RAI14: variants seen among roughly 807,000 people sequenced by gnomAD.
The protein encoded by RAI14 is retinoic acid induced 14, also known as ankycorbin.
RAI14 carries 45 observed loss-of-function variants against 115.4 expected under a neutral mutation model. The ratio of observed to expected loss-of-function variants is 0.39; its 90% CI spans 0.31 to 0.50. The LOEUF (loss-of-function observed/expected upper bound fraction) is 0.50. Among genes scored for constraint, RAI14 ranks in the 20% least tolerant of loss-of-function variants. The pLI, the probability that RAI14 is intolerant of heterozygous loss-of-function variation, is 0.85. For synonymous variants in RAI14, 371 were observed against 415.4 expected (o/e 0.89, Z 1.30); for missense variants, 939 against 1,131.2 (o/e 0.83, Z 2.44).
chr5:34,803,886 TC>T, intron 5 of RAI14, 110 bp downstream of exon 5: 1 of 924,460 alleles, frequency 1.1e-6, no homozygotes, highest in Non-Finnish European at 1.6e-6. Flanking sequence ...TTAAATACTG[TC>T]CCCAAACCTG....
chr5:34,831,812 C>G lies in RAI14; in HGVS notation c.*1047C>G, dbSNP rs1758034163. The G allele has an allele frequency of 6.6e-6, 1 of 152,108 alleles. No individual in the cohort carries two copies. The highest frequency in any genetic ancestry group is 1.5e-5 in the Non-Finnish European group (1 of 68,014). 9.4% of individuals were successfully genotyped at this position (152,108 alleles called of 1,614,324 possible). ...CTAATATGAGCTGCCACCAACACCC[C>G]TAGAACTTTCAGCCATGGTGTCTTC... On this transcript the variant is annotated 3_prime_UTR_variant, in exon 18 of 18. Transcript: ENST00000265109.
At chr5:34,809,630 G>A (rs1463965641) in intron 7 of RAI14, among the ~76,000 whole-genome samples, 9 of 150,632 alleles carry the variant, frequency 6.0e-5, no homozygotes, top group Non-Finnish European at 1.0e-4. Flanking sequence ...TTTCTAAACT[G>A]GGAAGAAGGT....
chr5:34,762,837 G>A (rs560287286), intron 3 of RAI14, among the ~76,000 whole-genome samples: 6 of 151,814 alleles, frequency 4.0e-5, no homozygotes, highest in African/African-American at 7.3e-5. Flanking sequence ...TTTGTCTTAC[G>A]AACAACCAGA....
At position 34,687,512 on chromosome 5, in the gene RAI14, C is replaced by A. The variant is rs1737995736; in HGVS notation, c.36+557C>A. ...ATAAAAGACTCTGGATTGGAGGAAG[C>A]AGTTATGATGTCAGAGTTATGAAAT... On this transcript the variant is annotated intron_variant, in intron 2 of 17. Transcript: ENST00000265109. The A allele has an allele frequency of 3.7e-6, 5 of 1,343,266 alleles. No individual in the cohort carries two copies. The African/African-American group carries it at 4.5e-5, about 12-fold the overall frequency. 83.2% of individuals were successfully genotyped at this position (1,343,266 alleles called of 1,614,324 possible).
Position 34,720,559 on chromosome 5 carries a change from C to T in RAI14, c.36+33604C>T, listed in dbSNP as rs539250508. On this transcript the variant is annotated intron_variant, in intron 2 of 17. Transcript: ENST00000265109. ...CCGAGTAGCTGGGACTATAGGCGCC[C>T]GCCACCACGCCCAGCTAATTTTTTG... 9.2e-5 allele frequency among the ~76,000 whole-genome samples: 14 copies of T among 151,828 alleles called. No homozygotes were observed. In the South Asian group the frequency reaches 2.1e-3, roughly 23 times the overall value.
rs879392922 is a variant in RAI14, at chr5:34,827,924, A to G, written c.2799+1445A>G. On this transcript the variant is annotated intron_variant, in intron 16 of 17. Coordinates refer to ENST00000265109, the MANE Select transcript of RAI14 (RefSeq NM_015577.3). The surrounding 1 kb of genome is among the most constrained non-coding windows in gnomAD (Gnocchi z 4.2). Reference sequence around the variant, plus strand: ...CATACAAAGGAAATGTGTCTACCCAATCTTGCTGAGTCATGAAAAGGTTCC... The same window carrying G: ...CATACAAAGGAAATGTGTCTACCCAGTCTTGCTGAGTCATGAAAAGGTTCC... Among the ~76,000 whole-genome samples the G allele has an allele frequency of 5.9e-5, 9 of 152,188 alleles. No individual in the cohort carries two copies. The highest frequency in any genetic ancestry group is 1.0e-4 in the Non-Finnish European group (7 of 68,036).
At chr5:34,689,645 G>A (rs1738324009) in intron 2 of RAI14, among the ~76,000 whole-genome samples, 1 of 152,192 alleles carries the variant, frequency 6.6e-6, no homozygotes, top group Non-Finnish European at 1.5e-5. Flanking sequence ...GGCTGAGGCA[G>A]AAGGATCACC....
intron 4 of RAI14, 61 bp downstream of exon 4, chr5:34,796,088 A>G (rs747904159): frequency 2.5e-5 from 33 of 1,329,716 alleles, no homozygotes; most frequent in Admixed American, 2.3e-4. Context: ...TCAAAAAGTA[A>G]TACATATTCA....
chr5:34,715,318 A>C, intron 2 of RAI14, among the ~76,000 whole-genome samples: 1 of 152,134 alleles, frequency 6.6e-6, no homozygotes, highest in Admixed American at 6.5e-5. Context: ...TATGCTAATG[A>C]GTGCATAATG....
intron 2 of RAI14, among the ~76,000 whole-genome samples, chr5:34,755,014 T>G (rs1747695592): frequency 1.3e-5 from 2 of 152,240 alleles, no homozygotes; most frequent in Admixed American, 6.5e-5. Flanking sequence ...CAGTTTAGGT[T>G]AGAAAAGGAT....
At chr5:34,807,987 AT>A in intron 6 of RAI14, 130 bp downstream of exon 6, 1 of 763,256 alleles carries the variant, frequency 1.3e-6, no homozygotes. Context: ...AAACATTCCC[AT>A]TTTACTCTGT....
chr5:34,763,889 T>C (rs765758960), intron 3 of RAI14, among the ~76,000 whole-genome samples: 1 of 152,164 alleles, frequency 6.6e-6, no homozygotes, highest in Non-Finnish European at 1.5e-5. Flanking sequence ...GACGGAGTCT[T>C]GCTCAGGCTA....
At chr5:34,685,962 C>T (rs1187230678) in intron 1 of RAI14, 1 of 152,156 alleles carries the variant, frequency 6.6e-6, no homozygotes, top group East Asian at 1.9e-4. Context: ...TTTAGAGAGG[C>T]CCCCTGAGGA....
chr5:34,711,992 A>G (rs1230007561), intron 2 of RAI14, among the ~76,000 whole-genome samples: 1 of 152,102 alleles, frequency 6.6e-6, no homozygotes, highest in Non-Finnish European at 1.5e-5. Context: ...GCCGTCTTGA[A>G]CCTTGGGGTG....
At chr5:34,694,074 C>T (rs1332561965) in intron 2 of RAI14, among the ~76,000 whole-genome samples, 2 of 152,222 alleles carry the variant, frequency 1.3e-5, no homozygotes, top group Admixed American at 6.5e-5. Flanking sequence ...GACCATAATT[C>T]TCAGTTAAAC....
rs762510642 is a variant in RAI14, at chr5:34,811,134, G to T, written c.557+16G>T. ...AAAGTGGAAGGTACTCCAGAATTAG[G>T]CAGAAATCATGTGACTTCAGTGATA... On this transcript the variant is annotated intron_variant, in intron 8 of 17. Coordinates refer to ENST00000265109, the MANE Select transcript of RAI14 (RefSeq NM_015577.3). 1.2e-6 allele frequency: 2 copies of T among 1,612,372 alleles called. No individual in the cohort carries two copies. The highest frequency in any genetic ancestry group is 1.7e-6 in the Non-Finnish European group (2 of 1,178,918).
At chr5:34,820,817 T>C (rs768263533) in intron 13 of RAI14, among the ~76,000 whole-genome samples, 68 of 152,270 alleles carry the variant, frequency 4.5e-4, no homozygotes, top group Non-Finnish European at 7.6e-4. Context: ...TGATAATCAG[T>C]AGGATGTCCG....
At chr5:34,808,516 G>A (rs1755186946) in intron 6 of RAI14, 68 bp from the exon 7 acceptor site, 2 of 1,392,716 alleles carry the variant, frequency 1.4e-6, no homozygotes, top group African/African-American at 1.4e-5. Flanking sequence ...CCTTCCTGAA[G>A]TATCTGATAC....
intron 2 of RAI14, among the ~76,000 whole-genome samples, chr5:34,730,150 A>C (rs1213014998): frequency 1.3e-5 from 2 of 152,206 alleles, no homozygotes; most frequent in Non-Finnish European, 2.9e-5. Context: ...GATATATTTA[A>C]GTATTTCCAT....
Sources: gnomAD v4.1 joint callset for allele counts (sites outside exome capture counted in the v4.1 genomes callset) on GRCh38, gnomAD v4.1.1 for gene constraint, Gnocchi (gnomAD v3.1) non-coding constraint, MANE v1.5 for transcripts, NCBI Gene and HGNC (gene_info 2026-07-23, HGNC 2026-07-21) for gene names.